Variants in EPCIP observed in about 807,000 individuals in gnomAD.
EPCIP encodes the protein exosomal polycystin 1 interacting protein.
At chr21:32,796,037 C>A in the EPCIP span, among the ~76,000 whole-genome samples, 514 of 144,652 alleles carry the variant, frequency 3.6e-3, 7 homozygotes, top group African/African-American at 0.013. Context: ...TCCTTCCCTC[C>A]TTCCTTCCTT....
At chr21:32,800,048 T>C in the EPCIP span, among the ~76,000 whole-genome samples, 1 of 152,248 alleles carries the variant, frequency 6.6e-6, no homozygotes, top group Non-Finnish European at 1.5e-5. Flanking sequence ...ATTTGGAGAA[T>C]GTCACTTGAT....
the EPCIP span, among the ~76,000 whole-genome samples, chr21:32,809,520 C>A: frequency 6.6e-6 from 1 of 151,532 alleles, no homozygotes; most frequent in East Asian, 1.9e-4. Context: ...ACTATAGGTG[C>A]GTACCACTGG....
the EPCIP span, among the ~76,000 whole-genome samples, chr21:32,795,637 A>G: frequency 6.6e-6 from 1 of 152,200 alleles, no homozygotes; most frequent in African/African-American, 2.4e-5. Flanking sequence ...GGAGCCACAG[A>G]TGGAAGGGTC....
At chr21:32,793,986 C>T in the EPCIP span, 639 of 1,614,210 alleles carry the variant, frequency 4.0e-4, 3 homozygotes, top group African/African-American at 2.8e-3. Context: ...TCACTGTCCC[C>T]ACCGCTATGG....
chr21:32,810,808 C>A, the EPCIP span, among the ~76,000 whole-genome samples: 1 of 152,112 alleles, frequency 6.6e-6, no homozygotes, highest in South Asian at 2.1e-4. Flanking sequence ...ATACACAGCT[C>A]CTGATTCCCA....
the EPCIP span, chr21:32,793,915 GA>G: frequency 1.9e-6 from 3 of 1,614,096 alleles, no homozygotes; most frequent in Non-Finnish European, 2.5e-6. Context: ...CCATATCTAA[GA>G]ATGAGATATA....
At chr21:32,803,296 T>C in the EPCIP span, among the ~76,000 whole-genome samples, 47 of 152,238 alleles carry the variant, frequency 3.1e-4, no homozygotes, top group Non-Finnish European at 2.1e-4. Flanking sequence ...GTAAGCCTTA[T>C]GGCTACCTTG....
the EPCIP span, among the ~76,000 whole-genome samples, chr21:32,796,459 CTA>C: frequency 6.6e-6 from 1 of 152,194 alleles, no homozygotes; most frequent in South Asian, 2.1e-4. Flanking sequence ...ATACAGGCGG[CTA>C]TGAGAACATA....
chr21:32,809,031 A>G, the EPCIP span, among the ~76,000 whole-genome samples: 28 of 152,244 alleles, frequency 1.8e-4, no homozygotes, highest in African/African-American at 6.7e-4. Context: ...CCTCCTGGCC[A>G]CAGAGAAGAT....
At chr21:32,807,467 G>A in the EPCIP span, among the ~76,000 whole-genome samples, 3 of 151,894 alleles carry the variant, frequency 2.0e-5, no homozygotes, top group Non-Finnish European at 4.4e-5. Context: ...CGAGTAGCTG[G>A]GATTACAGGC....
chr21:32,811,513 G>A, the EPCIP span, among the ~76,000 whole-genome samples: 1 of 152,122 alleles, frequency 6.6e-6, no homozygotes, highest in Non-Finnish European at 1.5e-5. Context: ...AGTTAATAAT[G>A]GCTAAAATTT....
At chr21:32,794,167 C>T in the EPCIP span, 54 of 1,614,100 alleles carry the variant, frequency 3.3e-5, no homozygotes, top group East Asian at 6.7e-5. Flanking sequence ...CAGATGTGTC[C>T]GTGAACCAGA....
the EPCIP span, chr21:32,793,427 G>T: frequency 2.3e-6 from 1 of 426,406 alleles, no homozygotes; most frequent in Non-Finnish European, 4.2e-6. Flanking sequence ...CAGTCTCTAG[G>T]GTGTATTGCT....
the EPCIP span, among the ~76,000 whole-genome samples, chr21:32,796,071 T>C: frequency 7.9e-5 from 12 of 151,400 alleles, no homozygotes; most frequent in Non-Finnish European, 1.6e-4. Context: ...CTTCAACTAA[T>C]GCTTATTGGA....
At chr21:32,795,931 C>T in the EPCIP span, among the ~76,000 whole-genome samples, 4 of 151,612 alleles carry the variant, frequency 2.6e-5, no homozygotes, top group Middle Eastern at 6.8e-3. Context: ...ATTCATCCCT[C>T]CCTTCCTTCC....
the EPCIP span, among the ~76,000 whole-genome samples, chr21:32,796,014 CTCCTTCCCTCCT>C: frequency 1.4e-5 from 2 of 145,950 alleles, no homozygotes; most frequent in African/African-American, 2.5e-5. Context: ...CTTTCCTTCC[CTCCTTCCCTCCT>C]TCCTTCCCTC....
chr21:32,804,636 T>G, the EPCIP span, among the ~76,000 whole-genome samples: 1 of 152,000 alleles, frequency 6.6e-6, no homozygotes, highest in African/African-American at 2.4e-5. Context: ...ACTGGTTCAT[T>G]TAATGCATTA....
chr21:32,794,358 A>T, the EPCIP span: 1 of 1,614,238 alleles, frequency 6.2e-7, no homozygotes, highest in Non-Finnish European at 8.5e-7. Flanking sequence ...TTGGTGAAGC[A>T]GTTAAGTGCA....
At chr21:32,813,425 CAT>C in the EPCIP span, among the ~76,000 whole-genome samples, 1 of 152,210 alleles carries the variant, frequency 6.6e-6, no homozygotes, top group Non-Finnish European at 1.5e-5. Context: ...GAAAGCCACT[CAT>C]ACATGTACAT....
Sources: gnomAD v4.1 joint callset for allele counts (sites outside exome capture counted in the v4.1 genomes callset) on GRCh38, gnomAD v4.1.1 for gene constraint, MANE v1.5 for transcripts, NCBI Gene and HGNC (gene_info 2026-07-23, HGNC 2026-07-21) for gene names.